The following SLC36A4 variants were observed in gnomAD, a reference collection of about 807,000 sequenced individuals.
SLC36A4 encodes the protein neutral amino acid uniporter 4.
SLC36A4 carries 49 observed loss-of-function variants against 50.5 expected under a neutral mutation model. That is an observed-to-expected ratio of 0.97 (90% CI 0.77 to 1.23). The LOEUF is 1.23. SLC36A4 is among the 50% of genes most tolerant of loss of function. SLC36A4 has a pLI of 0.00. For missense variants in SLC36A4, 611 were observed against 608.4 expected (o/e 1.00, Z -0.05); for synonymous variants, 207 against 206.5 (o/e 1.00, Z -0.02).
chr11:93,195,665 C>A (rs1010728800), intron 1 of SLC36A4, among the ~76,000 whole-genome samples: 5 of 152,308 alleles, frequency 3.3e-5, no homozygotes, highest in African/African-American at 1.2e-4. Context: ...TTTACATTAC[C>A]TACAAGACCC....
chr11:93,169,232 A>G (rs1485514892), intron 6 of SLC36A4, among the ~76,000 whole-genome samples: 3 of 152,108 alleles, frequency 2.0e-5, no homozygotes, highest in Non-Finnish European at 4.4e-5. Context: ...ATGACTCTCT[A>G]AAGTAGATGG....
At position 93,147,050 on chromosome 11, in the gene SLC36A4, T is replaced by C. The variant is rs1243577065; in HGVS notation, c.*1487A>G. 6.6e-6 allele frequency: 1 copy of C among 152,172 alleles called. No homozygotes were observed. The highest frequency in any genetic ancestry group is 2.4e-5 in the African/African-American group (1 of 41,456). The allele number at this position is 152,172 out of a possible 1,614,324, so 9.4% of individuals were successfully genotyped here. On this transcript the variant is annotated 3_prime_UTR_variant, in exon 11 of 11. Coordinates refer to ENST00000326402, the MANE Select transcript of SLC36A4 (RefSeq NM_152313.4). ...TGGTGTGCAGTGGCACAGTCATAGC[T>C]TACCACAGCCTGAAACTTTTGTGCT... is the stretch of plus-strand genomic sequence containing the variant.
intron 6 of SLC36A4, among the ~76,000 whole-genome samples, chr11:93,172,924 A>C (rs1351343061): frequency 7.3e-5 from 11 of 151,090 alleles, no homozygotes; most frequent in Non-Finnish European, 1.3e-4. Context: ...ATGTGTCTTT[A>C]TAGCAGCATG....
intron 7 of SLC36A4, 57 bp from the exon 8 acceptor site, chr11:93,166,073 T>TA (rs1228416914): frequency 2.2e-6 from 3 of 1,371,322 alleles, no homozygotes; most frequent in East Asian, 2.5e-5. Context: ...TCTAAATAAT[T>TA]AAAAAATGTA....
chr11:93,184,850 A>G (rs1004068808), intron 2 of SLC36A4, among the ~76,000 whole-genome samples: 3 of 152,184 alleles, frequency 2.0e-5, no homozygotes, highest in Non-Finnish European at 4.4e-5. Context: ...AATTTTTTTT[A>G]AAAAGTAATT....
intron 6 of SLC36A4, among the ~76,000 whole-genome samples, chr11:93,173,418 T>G (rs1167889016): frequency 6.8e-6 from 1 of 146,708 alleles, no homozygotes; most frequent in Non-Finnish European, 1.5e-5. Context: ...CTGATGGTAG[T>G]TTCTTTTGCT....
rs912607805 is a variant in SLC36A4, at chr11:93,167,851, G to T, written c.768+93C>A. The T allele has an allele frequency of 6.9e-6, 5 of 725,502 alleles. No individual in the cohort carries two copies. In the African/African-American group the frequency reaches 8.9e-5, roughly 13 times the overall value. The allele number at this position is 725,502 out of a possible 1,614,324, so 44.9% of individuals were successfully genotyped here. A position where few individuals can be genotyped will look rare whatever the true frequency, so the allele number is the denominator to read the frequency against. On this transcript the variant is annotated intron_variant, in intron 7 of 10. Transcript: ENST00000326402. ...ACTGTGTGCCACATATGAAGTAGGG[G>T]TCTTTGCATATCATTACTTTTACCT...
chr11:93,156,590 T>C (rs1191206761), intron 9 of SLC36A4, among the ~76,000 whole-genome samples: 3 of 152,018 alleles, frequency 2.0e-5, no homozygotes, highest in Non-Finnish European at 4.4e-5. Flanking sequence ...TGGCTAATTT[T>C]TGTATTTTTA....
intron 9 of SLC36A4, among the ~76,000 whole-genome samples, chr11:93,157,433 G>T (rs572768925): frequency 1.3e-5 from 2 of 152,224 alleles, no homozygotes. Flanking sequence ...ATTGCTTTGG[G>T]CAGTGTGGCT....
intron 8 of SLC36A4, among the ~76,000 whole-genome samples, chr11:93,164,868 T>G (rs577875579): frequency 6.6e-6 from 1 of 152,270 alleles, no homozygotes; most frequent in East Asian, 1.9e-4. Context: ...TGTTTCAAGC[T>G]TAAGCAACTG....
chr11:93,197,536 A>C (rs1054080913), intron 1 of SLC36A4: 1 of 545,800 alleles, frequency 1.8e-6, no homozygotes, highest in African/African-American at 2.0e-5. Context: ...ACACTCACCC[A>C]CACGCGCGCG....
rs181598555 is a variant in SLC36A4, at chr11:93,183,513, G to A, written c.271-619C>T. On this transcript the variant is annotated intron_variant, in intron 3 of 10. Transcript: ENST00000326402. ...AGGGGAACAAAACAGTCAAATGCAG[G>A]GATAGTTAAAACTGTTTTTAGAAAG... 3.4e-3 allele frequency among the ~76,000 whole-genome samples: 520 copies of A among 151,890 alleles called. 2 individuals carry two copies. The highest frequency in any genetic ancestry group is 0.012 in the African/African-American group (491 of 41,444).
At chr11:93,179,915 A>G (rs1234255682) in intron 6 of SLC36A4, 1 of 205,924 alleles carries the variant, frequency 4.9e-6, no homozygotes, top group African/African-American at 2.4e-5. Flanking sequence ...CCCTCTACAG[A>G]AACAGTTTGC....
chr11:93,178,378 CACA>C (rs1331721392), intron 6 of SLC36A4, among the ~76,000 whole-genome samples: 1 of 152,112 alleles, frequency 6.6e-6, no homozygotes, highest in Non-Finnish European at 1.5e-5. Flanking sequence ...TGCTTTGGCT[CACA>C]CTCCATGGGC....
Position 93,184,501 on chromosome 11 carries a change from G to A in SLC36A4, c.199C>T (p.His67Tyr). Residue 67 changes from histidine to tyrosine, a missense_variant, in exon 3 of 11, where the codon CAC becomes TAC. Coordinates refer to ENST00000326402, the MANE Select transcript of SLC36A4 (RefSeq NM_152313.4). ...EGISFVQTLM[H>Y]LLKGNIGTGL... ...GTTCCAATATTTCCTTTAAGAAGGT[G>A]CATAAGAGTTTGTACAAATCTGAAA... The A allele has an allele frequency of 6.2e-7, 1 of 1,606,214 alleles. No homozygotes were observed. Among genetic ancestry groups the A allele is most frequent in the Non-Finnish European group, 8.5e-7 (1 of 1,173,936 alleles).
intron 1 of SLC36A4, among the ~76,000 whole-genome samples, chr11:93,196,197 T>C (rs1050117010): frequency 3.9e-5 from 6 of 152,234 alleles, no homozygotes; most frequent in African/African-American, 1.4e-4. Flanking sequence ...ACATCACTTT[T>C]AATGGTAGGC....
chr11:93,144,828 G>C lies in SLC36A4; in HGVS notation c.*3709C>G, dbSNP rs541367747. ...AAATTTTCTTATTAAGGGAAGCTAG[G>C]TGAGCCAAAAAGATCAGACTCATTT... is the stretch of plus-strand genomic sequence containing the variant. On this transcript the variant is annotated 3_prime_UTR_variant, in exon 11 of 11. Transcript: ENST00000326402. 4.6e-5 allele frequency: 7 copies of C among 152,106 alleles called. No individual in the cohort carries two copies. The highest frequency in any genetic ancestry group is 1.7e-4 in the African/African-American group (7 of 41,538). The allele number at this position is 152,106 out of a possible 1,614,324, so 9.4% of individuals were successfully genotyped here.
At chr11:93,156,336 T>C (rs1565217011) in intron 9 of SLC36A4, among the ~76,000 whole-genome samples, 1 of 152,198 alleles carries the variant, frequency 6.6e-6, no homozygotes, top group East Asian at 1.9e-4. Context: ...TGATCAGTAA[T>C]GTTGAGCATT....
chr11:93,182,958 A>G (rs1861801859), intron 3 of SLC36A4, 64 bp from the exon 4 acceptor site: 1 of 1,132,020 alleles, frequency 8.8e-7, no homozygotes, highest in East Asian at 2.4e-5. Flanking sequence ...CTTATAAGCA[A>G]TGAATCAATG....
Sources: gnomAD v4.1 joint callset for allele counts (sites outside exome capture counted in the v4.1 genomes callset) on GRCh38, gnomAD v4.1.1 for gene constraint, MANE v1.5 for transcripts, NCBI Gene and HGNC (gene_info 2026-07-23, HGNC 2026-07-21) for gene names.